The following LHFPL6 variants were observed in gnomAD, a reference collection of about 807,000 sequenced individuals.
LHFPL6 encodes the protein LHFPL tetraspan subfamily member 6 protein.
Under a neutral mutation model 20.6 loss-of-function variants are expected in LHFPL6, and 9 were observed. The ratio of observed to expected loss-of-function variants is 0.44; its 90% CI spans 0.26 to 0.76. The LOEUF (loss-of-function observed/expected upper bound fraction) is 0.76, where lower values mean the gene tolerates loss of function less well. Among genes scored for constraint, LHFPL6 ranks in the 30% least tolerant of loss-of-function variants. The pLI is 0.20. For missense variants in LHFPL6, 218 were observed against 253.5 expected, an observed-to-expected ratio of 0.86 and a Z score of 0.95; for synonymous variants, 105 against 98.7, an observed-to-expected ratio of 1.06 and a Z score of -0.38.
At chr13:39,400,356 T>C (rs1870953415) in intron 2 of LHFPL6, among the ~76,000 whole-genome samples, 1 of 152,126 alleles carries the variant, frequency 6.6e-6, no homozygotes, top group African/African-American at 2.4e-5. Context: ...CCATTTTCCA[T>C]GTTCAATAGC....
At chr13:39,487,516 A>G (rs1868766787) in intron 2 of LHFPL6, among the ~76,000 whole-genome samples, 1 of 152,240 alleles carries the variant, frequency 6.6e-6, no homozygotes, top group Non-Finnish European at 1.5e-5. Flanking sequence ...CAGCATCTAT[A>G]TACCTCACTG....
At chr13:39,528,322 T>A (rs1870356840) in intron 2 of LHFPL6, among the ~76,000 whole-genome samples, 1 of 151,884 alleles carries the variant, frequency 6.6e-6, no homozygotes, top group African/African-American at 2.4e-5. Flanking sequence ...CCCCTCTGAC[T>A]GAAAAAAAAC....
chr13:39,509,085 C>T (rs1199124695), intron 2 of LHFPL6, among the ~76,000 whole-genome samples: 2 of 151,960 alleles, frequency 1.3e-5, no homozygotes, highest in African/African-American at 2.4e-5. Context: ...TTTGCATTTC[C>T]TAAATGATAA....
intron 2 of LHFPL6, among the ~76,000 whole-genome samples, chr13:39,569,971 G>A (rs1056756804): frequency 1.7e-4 from 26 of 152,128 alleles, no homozygotes; most frequent in Admixed American, 1.7e-3. Flanking sequence ...GATTTAGAAT[G>A]GTGGAAGAAA....
chr13:39,494,532 G>A (rs954054941), intron 2 of LHFPL6, among the ~76,000 whole-genome samples: 3 of 152,128 alleles, frequency 2.0e-5, no homozygotes, highest in Non-Finnish European at 2.9e-5. Context: ...AGCCCACCAT[G>A]CTCATAAACT....
chr13:39,523,321 G>A (rs1382228328), intron 2 of LHFPL6, among the ~76,000 whole-genome samples: 2 of 152,136 alleles, frequency 1.3e-5, no homozygotes, highest in Non-Finnish European at 2.9e-5. Flanking sequence ...TGTAATCCCA[G>A]CACTTTGGGA....
At chr13:39,488,571 A>AT (rs1868802615) in intron 2 of LHFPL6, among the ~76,000 whole-genome samples, 1 of 152,134 alleles carries the variant, frequency 6.6e-6, no homozygotes. Flanking sequence ...GACTTTTCTG[A>AT]TTAGACACAC....
chr13:39,379,536 G>C (rs1487399701), intron 2 of LHFPL6, among the ~76,000 whole-genome samples: 1 of 152,146 alleles, frequency 6.6e-6, no homozygotes, highest in African/African-American at 2.4e-5. Flanking sequence ...GGCCCGGAAT[G>C]TATCTAGGAA....
Position 39,418,392 on chromosome 13 carries a change from T to TTTTC in LHFPL6, c.386-39867_386-39866insGAAA, listed in dbSNP as rs1252881924. Among the ~76,000 whole-genome samples, 4 of 149,570 alleles carry TTTTC rather than the reference T, an allele frequency of 2.7e-5. 1 individual carries two copies. Among genetic ancestry groups the TTTTC allele is most frequent in the Non-Finnish European group, 5.9e-5 (4 of 67,616 alleles). On this transcript the variant is annotated intron_variant, in intron 2 of 3. Transcript: ENST00000379589. ...TAAAGTTTTTTTGGTCTTTTTTTTT[T>TTTTC]TTTTTTTTTCCAGAATGCCATATAA...
chr13:39,567,993 G>A (rs1326549039), intron 2 of LHFPL6, among the ~76,000 whole-genome samples: 2 of 152,278 alleles, frequency 1.3e-5, no homozygotes, highest in South Asian at 2.1e-4. Context: ...AGAATACTTT[G>A]TTACTATCAC....
chr13:39,512,371 G>A (rs1269485604), intron 2 of LHFPL6, among the ~76,000 whole-genome samples: 1 of 152,168 alleles, frequency 6.6e-6, no homozygotes, highest in African/African-American at 2.4e-5. Flanking sequence ...GGGAGGCGGA[G>A]GCGTGTGGAT....
intron 2 of LHFPL6, among the ~76,000 whole-genome samples, chr13:39,575,990 G>A (rs1023236122): frequency 4.6e-5 from 7 of 152,214 alleles, no homozygotes; most frequent in Non-Finnish European, 5.9e-5. Flanking sequence ...AGGAGCCCTA[G>A]AGGAGGCATC....
intron 2 of LHFPL6, among the ~76,000 whole-genome samples, chr13:39,478,239 G>A (rs1034675392): frequency 2.6e-5 from 4 of 151,974 alleles, no homozygotes; most frequent in Admixed American, 2.0e-4. Context: ...TATGACAAGT[G>A]ATATCTAAAT....
intron 2 of LHFPL6, among the ~76,000 whole-genome samples, chr13:39,387,976 C>A (rs1870610321): frequency 6.6e-6 from 1 of 152,038 alleles, no homozygotes; most frequent in Non-Finnish European, 1.5e-5. Flanking sequence ...AGTGAGAACC[C>A]CAGTTGTGAG....
At chr13:39,381,692 C>T (rs1566098391) in intron 2 of LHFPL6, among the ~76,000 whole-genome samples, 1 of 151,998 alleles carries the variant, frequency 6.6e-6, no homozygotes, top group Non-Finnish European at 1.5e-5. Context: ...TAAAATAAAA[C>T]TTTAGACAAA....
chr13:39,475,349 C>T (rs1269958730), intron 2 of LHFPL6, among the ~76,000 whole-genome samples: 1 of 151,926 alleles, frequency 6.6e-6, no homozygotes, highest in East Asian at 1.9e-4. Context: ...GAAATAAGAT[C>T]AGATGTGCTT....
intron 2 of LHFPL6, among the ~76,000 whole-genome samples, chr13:39,451,129 G>T (rs1272710313): frequency 6.6e-6 from 1 of 151,972 alleles, no homozygotes; most frequent in Non-Finnish European, 1.5e-5. Context: ...AGCTAAAATG[G>T]AAACTTGTCA....
At chr13:39,364,925 A>C (rs964281060) in intron 3 of LHFPL6, among the ~76,000 whole-genome samples, 7 of 152,196 alleles carry the variant, frequency 4.6e-5, no homozygotes, top group Non-Finnish European at 2.9e-5. Flanking sequence ...GAGATGATGT[A>C]CTGTTAAGAT....
At position 39,358,618 on chromosome 13, in the gene LHFPL6, A is replaced by C. The variant is rs570827161; in HGVS notation, c.485-14564T>G. On this transcript the variant is annotated intron_variant, in intron 3 of 3. Coordinates refer to ENST00000379589, the MANE Select transcript of LHFPL6 (RefSeq NM_005780.3). Reference sequence around the variant, plus strand: ...GTAAACAGACAGCCTACAGAATGGGAGAAAATATTCACAAACAATGCATCT... The same window carrying C: ...GTAAACAGACAGCCTACAGAATGGGCGAAAATATTCACAAACAATGCATCT... Among the ~76,000 whole-genome samples, 4 of 152,330 alleles carry C rather than the reference A, an allele frequency of 2.6e-5. No homozygotes were observed. In the East Asian group the frequency reaches 7.7e-4, roughly 29 times the overall value.
Sources: allele counts gnomAD v4.1 joint callset (sites outside exome capture counted in the v4.1 genomes callset), GRCh38; gene constraint gnomAD v4.1.1; transcripts MANE v1.5; gene names NCBI Gene and HGNC (gene_info 2026-07-23, HGNC 2026-07-21).